The following RIPOR2 variants were observed in gnomAD, a reference collection of about 807,000 sequenced individuals.
The protein encoded by RIPOR2 is RHO family interacting cell polarization regulator 2.
Under a neutral mutation model 114.5 loss-of-function variants are expected in RIPOR2, and 39 were observed. That is an observed-to-expected ratio of 0.34 (90% CI 0.26 to 0.44). The LOEUF is 0.44. Ranked by LOEUF, RIPOR2 falls within the 20% of genes least tolerant of loss-of-function variation. The pLI is 1.00. For missense variants in RIPOR2, 1,007 were observed against 1,255.1 expected (o/e 0.80, Z 2.99); for synonymous variants, 445 against 484.4 (o/e 0.92, Z 1.07).
rs1050328788 is a variant in RIPOR2 at position 24,840,416 on chromosome 6, A to G, written c.1858-1144T>C. 4.0e-6 allele frequency: 5 copies of G among 1,234,916 alleles called. No homozygotes were observed. In the African/African-American group the frequency reaches 4.7e-5, roughly 12 times the overall value. The allele number at this position is 1,234,916 out of a possible 1,614,324, so 76.5% of individuals were successfully genotyped here. ...CCCATTCTCTGGCCTGGAGCATTCT[A>G]TAATGCTGGCCACATGCAGAAACAT... On this transcript the variant is annotated intron_variant, in intron 13 of 21. Coordinates refer to ENST00000643898, the MANE Select transcript of RIPOR2 (RefSeq NM_001286445.3).
chr6:24,921,651 G>T (rs1457603669), intron 1 of RIPOR2, among the ~76,000 whole-genome samples: 4 of 146,886 alleles, frequency 2.7e-5, no homozygotes, highest in African/African-American at 2.5e-5. Context: ...AACACTTATC[G>T]CCCCCCCCGA....
chr6:24,902,218 CT>C (rs112603611), intron 1 of RIPOR2, among the ~76,000 whole-genome samples: 238 of 143,198 alleles, frequency 1.7e-3, no homozygotes, highest in Admixed American at 2.3e-3. Flanking sequence ...CTTTCTTTTT[CT>C]TTTTTTTTTT....
chr6:24,901,987 T>C (rs1258543295), intron 1 of RIPOR2, among the ~76,000 whole-genome samples: 4 of 152,214 alleles, frequency 2.6e-5, no homozygotes, highest in Non-Finnish European at 2.9e-5. Flanking sequence ...TCACTGGGAC[T>C]AAAGTATCGT....
At chr6:24,847,903 G>A in intron 12 of RIPOR2, 122 bp downstream of exon 12, 1 of 1,336,728 alleles carries the variant, frequency 7.5e-7, no homozygotes, top group Non-Finnish European at 1.0e-6. Context: ...AAAAACAGAG[G>A]AGGCTCACCA....
chr6:24,860,659 A>G (rs1266452711), intron 8 of RIPOR2, among the ~76,000 whole-genome samples: 2 of 152,222 alleles, frequency 1.3e-5, no homozygotes, highest in African/African-American at 4.8e-5. Context: ...CAAAGGAAAA[A>G]CAAAAGCAAA....
chr6:24,835,181 C>A (rs1761019562), intron 15 of RIPOR2, among the ~76,000 whole-genome samples: 1 of 151,996 alleles, frequency 6.6e-6, no homozygotes, highest in African/African-American at 2.4e-5. Flanking sequence ...CTGTGGTGTC[C>A]CAGAATGAGA....
rs370396953 is a variant in RIPOR2 at position 24,985,359 on chromosome 6, T to C, written c.76+56492A>G. Reference sequence around the variant, plus strand: ...GCAAGAGGTGGGACCAGGGGCTCCATAGACCAAGTGATTTTTTTTTTTTAA... The same window carrying C: ...GCAAGAGGTGGGACCAGGGGCTCCACAGACCAAGTGATTTTTTTTTTTTAA... On this transcript the variant is annotated intron_variant, in intron 1 of 13. Transcript: ENST00000510784. Among the ~76,000 whole-genome samples, 67 of 90,748 alleles carry C rather than the reference T, an allele frequency of 7.4e-4. 2 individuals are homozygous for C. In the South Asian group the frequency reaches 0.024, roughly 33 times the overall value. The allele number at this position is 90,748 out of a possible 152,430, so 59.5% of individuals were successfully genotyped here.
chr6:24,940,799 C>T (rs6929680), upstream of RIPOR2, among the ~76,000 whole-genome samples: 79,267 of 151,590 alleles, frequency 0.52, 21,216 homozygotes, highest in Middle Eastern at 0.61. Context: ...TACAGGTGTG[C>T]GCCACCATGC....
intron 1 of RIPOR2, chr6:24,948,404 A>G (rs1772560622): frequency 6.6e-6 from 1 of 152,258 alleles, no homozygotes; most frequent in Non-Finnish European, 1.5e-5. Context: ...ATACCTGACT[A>G]TGAAGAGAAC....
intron 1 of RIPOR2, among the ~76,000 whole-genome samples, chr6:24,999,534 A>G (rs2113642394): frequency 6.7e-6 from 1 of 148,394 alleles, no homozygotes; most frequent in Non-Finnish European, 1.5e-5. Context: ...AAATCTCTGT[A>G]CTTTCACTAT....
chr6:24,835,593 T>G, intron 15 of RIPOR2, 110 bp downstream of exon 15: 2 of 1,177,568 alleles, frequency 1.7e-6, no homozygotes, highest in South Asian at 1.4e-5. Flanking sequence ...AGCAAGACTG[T>G]TCTCTTATTC....
intron 1 of RIPOR2, among the ~76,000 whole-genome samples, chr6:24,999,033 T>C (rs1180075125): frequency 1.3e-5 from 2 of 152,222 alleles, no homozygotes; most frequent in East Asian, 1.9e-4. Context: ...TTCCTCCTAA[T>C]TGATCTGGGA....
chr6:25,005,694 GATATATATATATATATAT>G (rs34057286), intron 1 of RIPOR2, among the ~76,000 whole-genome samples: 1,238 of 45,374 alleles, frequency 0.027, 67 homozygotes, highest in African/African-American at 0.044. Flanking sequence ...TCCCTATGGA[GATATATATATATATATAT>G]ATATATATAT....
chr6:25,028,186 A>G (rs1776719866), intron 1 of RIPOR2, among the ~76,000 whole-genome samples: 1 of 152,148 alleles, frequency 6.6e-6, no homozygotes, highest in Non-Finnish European at 1.5e-5. Context: ...TTTCCAGTAG[A>G]TTTCCAAATA....
intron 1 of RIPOR2, among the ~76,000 whole-genome samples, chr6:24,892,539 A>G (rs1767466702): frequency 6.6e-6 from 1 of 151,058 alleles, no homozygotes; most frequent in Admixed American, 6.6e-5. Flanking sequence ...TGCCTTTTCC[A>G]TTTTTTTTCT....
intron 1 of RIPOR2, among the ~76,000 whole-genome samples, chr6:24,989,250 G>A (rs1262642113): frequency 6.6e-6 from 1 of 150,710 alleles, no homozygotes; most frequent in Non-Finnish European, 1.5e-5. Context: ...TATTATATTT[G>A]TAATACTTAT....
intron 2 of RIPOR2, 30 bp downstream of exon 2, chr6:24,875,661 C>A (rs1765661176): frequency 6.3e-7 from 1 of 1,598,914 alleles, no homozygotes; most frequent in Non-Finnish European, 8.5e-7. Flanking sequence ...TGGCAAGCTG[C>A]ATCCCGGGAG....
At chr6:25,020,984 G>A (rs900691517) in intron 1 of RIPOR2, among the ~76,000 whole-genome samples, 1 of 152,084 alleles carries the variant, frequency 6.6e-6, no homozygotes, top group Admixed American at 6.5e-5. Context: ...AGCCTCCCAA[G>A]TAGCTGGGAT....
chr6:24,921,119 G>A (rs1770445496), intron 1 of RIPOR2, among the ~76,000 whole-genome samples: 1 of 151,760 alleles, frequency 6.6e-6, no homozygotes, highest in Admixed American at 6.6e-5. Context: ...AACCTATAAG[G>A]CTTTACAGGA....
Sources: gnomAD v4.1 joint callset for allele counts (sites outside exome capture counted in the v4.1 genomes callset) on GRCh38, gnomAD v4.1.1 for gene constraint, MANE v1.5 for transcripts, NCBI Gene and HGNC (gene_info 2026-07-23, HGNC 2026-07-21) for gene names.